CADM1: variants seen among roughly 807,000 people sequenced by gnomAD.
CADM1 encodes cell adhesion molecule 1, also known as TSLC-1.
In CADM1, 15 loss-of-function variants were observed where a neutral mutation model predicts 53.1. That is an observed-to-expected ratio of 0.28 (90% confidence interval 0.19 to 0.44). CADM1 has a LOEUF of 0.44. Ranked by LOEUF, CADM1 falls within the 20% of genes least tolerant of loss-of-function variation. The pLI is 1.00. For missense variants in CADM1, 434 were observed against 611.3 expected, an observed-to-expected ratio of 0.71 and a Z score of 3.06; for synonymous variants, 281 against 243.0, an observed-to-expected ratio of 1.16 and a Z score of -1.45.
At chr11:115,275,818 G>A (rs1943429438) in intron 1 of CADM1, among the ~76,000 whole-genome samples, 1 of 152,092 alleles carries the variant, frequency 6.6e-6, no homozygotes, top group Non-Finnish European at 1.5e-5. Flanking sequence ...AAGGTTCCAC[G>A]TTTCCTGTTT....
intron 1 of CADM1, among the ~76,000 whole-genome samples, chr11:115,468,179 T>C (rs1314199798): frequency 6.6e-6 from 1 of 152,222 alleles, no homozygotes; most frequent in East Asian, 1.9e-4. Flanking sequence ...AAAATTTTAT[T>C]TAACAGTAAA....
At chr11:115,443,955 CG>C (rs1948388915) in intron 1 of CADM1, among the ~76,000 whole-genome samples, 1 of 152,184 alleles carries the variant, frequency 6.6e-6, no homozygotes, top group African/African-American at 2.4e-5. Context: ...GGTGGTTGGT[CG>C]GGTCTTTTTG....
At chr11:115,340,683 CAG>C (rs1163669428) in intron 1 of CADM1, among the ~76,000 whole-genome samples, 2 of 31,800 alleles carry the variant, frequency 6.3e-5, no homozygotes, top group Admixed American at 4.0e-4. Context: ...TTTTTTGAGA[CAG>C]AGTCTCACTC....
chr11:115,231,917 C>T (rs567583562), intron 3 of CADM1, among the ~76,000 whole-genome samples: 5 of 151,988 alleles, frequency 3.3e-5, no homozygotes, highest in South Asian at 4.2e-4. Context: ...ACCTGGGAGG[C>T]GGAGGTTACA....
intron 1 of CADM1, among the ~76,000 whole-genome samples, chr11:115,408,461 C>T (rs1283709815): frequency 6.6e-6 from 1 of 152,200 alleles, no homozygotes; most frequent in African/African-American, 2.4e-5. Flanking sequence ...TCCCACTATG[C>T]AGGCCAGCAC....
chr11:115,172,710 A>G lies in CADM1; in HGVS notation c.*3764T>C, dbSNP rs1007941132. 2 of 147,612 alleles carry G rather than the reference A, an allele frequency of 1.4e-5. No homozygotes were observed. The highest frequency in any genetic ancestry group is 5.0e-5 in the African/African-American group (2 of 39,758). The allele number at this position is 147,612 out of a possible 1,614,324, so 9.1% of individuals were successfully genotyped here. On this transcript the variant is annotated 3_prime_UTR_variant, in exon 12 of 12. Transcript: ENST00000331581. ...ATGCTGGACATACAGCAGGTGCTCA[A>G]TAACTGCATATCTGATTTTTTTTTT...
chr11:115,271,855 T>C (rs913424651), intron 1 of CADM1, among the ~76,000 whole-genome samples: 2 of 152,226 alleles, frequency 1.3e-5, no homozygotes, highest in African/African-American at 4.8e-5. Flanking sequence ...TCCACTGAGA[T>C]GTGGTATTCC....
chr11:115,242,633 G>C (rs1350737223), intron 1 of CADM1, among the ~76,000 whole-genome samples: 1 of 152,132 alleles, frequency 6.6e-6, no homozygotes, highest in Admixed American at 6.5e-5. Flanking sequence ...TAAGGCATAG[G>C]ACTTGCTTTG....
chr11:115,239,702 A>G (rs1212314793), intron 2 of CADM1, among the ~76,000 whole-genome samples: 1 of 149,114 alleles, frequency 6.7e-6, no homozygotes, highest in Non-Finnish European at 1.5e-5. Flanking sequence ...GCTCTCCAAT[A>G]ACAGTTTTTG....
intron 1 of CADM1, among the ~76,000 whole-genome samples, chr11:115,374,583 C>T (rs1946391546): frequency 6.6e-6 from 1 of 152,102 alleles, no homozygotes; most frequent in Non-Finnish European, 1.5e-5. Context: ...ACTGACATCA[C>T]ATGCATACAA....
chr11:115,248,768 AG>A (rs1485693012), intron 1 of CADM1, among the ~76,000 whole-genome samples: 3 of 152,198 alleles, frequency 2.0e-5, no homozygotes, highest in Non-Finnish European at 4.4e-5. Context: ...TCTAGTGGAC[AG>A]GTTTTATGAG....
chr11:115,447,728 C>T (rs1314066969), intron 1 of CADM1, among the ~76,000 whole-genome samples: 1 of 152,160 alleles, frequency 6.6e-6, no homozygotes, highest in East Asian at 1.9e-4. Context: ...CCTCCTCAGA[C>T]AATTTTGTAT....
intron 1 of CADM1, among the ~76,000 whole-genome samples, chr11:115,290,909 T>C (rs1026884759): frequency 7.2e-5 from 11 of 152,214 alleles, no homozygotes; most frequent in African/African-American, 2.4e-4. Context: ...GGGCTTGCAT[T>C]GACTGGCATC....
At chr11:115,382,476 G>A (rs1946602803) in intron 1 of CADM1, among the ~76,000 whole-genome samples, 2 of 152,072 alleles carry the variant, frequency 1.3e-5, no homozygotes, top group Admixed American at 1.3e-4. Context: ...TTATATTCAA[G>A]AAGAACAGTG....
chr11:115,209,390 C>T (rs1940841024), intron 8 of CADM1, among the ~76,000 whole-genome samples, 184 bp downstream of exon 8: 1 of 152,128 alleles, frequency 6.6e-6, no homozygotes, highest in Admixed American at 6.6e-5. Flanking sequence ...CTGTTAAATG[C>T]TGGGATGTTT....
At chr11:115,273,805 T>C (rs1490088548) in intron 1 of CADM1, among the ~76,000 whole-genome samples, 2 of 152,202 alleles carry the variant, frequency 1.3e-5, no homozygotes, top group Non-Finnish European at 2.9e-5. Context: ...TCAACATTTA[T>C]CAAAACATCG....
intron 1 of CADM1, among the ~76,000 whole-genome samples, chr11:115,317,983 TACACAC>T (rs35753948): frequency 0.15 from 21,764 of 149,044 alleles, 2,092 homozygotes; most frequent in African/African-American, 0.27. Flanking sequence ...TATTACACAC[TACACAC>T]ACACACACAC....
At chr11:115,429,456 T>C (rs1236321450) in intron 1 of CADM1, among the ~76,000 whole-genome samples, 1 of 151,642 alleles carries the variant, frequency 6.6e-6, no homozygotes, top group Non-Finnish European at 1.5e-5. Flanking sequence ...ATACAAAAAA[T>C]TATCTGGGCG....
intron 1 of CADM1, among the ~76,000 whole-genome samples, chr11:115,319,801 T>C (rs1244949994): frequency 2.6e-5 from 4 of 152,000 alleles, no homozygotes; most frequent in Admixed American, 6.6e-5. Flanking sequence ...AAATGCATCA[T>C]TCAAAAAAGG....
Sources: allele counts gnomAD v4.1 joint callset (sites outside exome capture counted in the v4.1 genomes callset), GRCh38; gene constraint gnomAD v4.1.1; transcripts MANE v1.5; gene names NCBI Gene and HGNC (gene_info 2026-07-23, HGNC 2026-07-21).